TMEM181: variants seen among roughly 807,000 people sequenced by gnomAD.
TMEM181 encodes G protein-coupled receptor 178.
TMEM181 carries 39 observed loss-of-function variants against 71.9 expected under a neutral mutation model. The ratio of observed to expected loss-of-function variants is 0.54; its 90% CI spans 0.42 to 0.71. The LOEUF (loss-of-function observed/expected upper bound fraction) is 0.71. Among genes scored for constraint, TMEM181 ranks in the 30% least tolerant of loss-of-function variants. The probability of loss-of-function intolerance (pLI) is 0.00; values close to 1 mark genes in which losing one functional copy is unlikely to be tolerated. For synonymous variants in TMEM181, 245 were observed against 228.8 expected (o/e 1.07, Z -0.64); for missense variants, 595 against 583.0 (o/e 1.02, Z -0.21).
intron 3 of TMEM181, among the ~76,000 whole-genome samples, chr6:158,582,130 A>G (rs998293157): frequency 4.6e-5 from 7 of 152,194 alleles, no homozygotes; most frequent in South Asian, 2.1e-4. Flanking sequence ...GGCCCTCTGC[A>G]TAGCCTGTTT....
chr6:158,610,016 AAGCAATG>A (rs1202678018), intron 10 of TMEM181: 1 of 221,838 alleles, frequency 4.5e-6, no homozygotes, highest in Non-Finnish European at 9.6e-6. Context: ...AGCTGCAGTG[AAGCAATG>A]CTTGTGTATC....
chr6:158,567,575 G>T (rs957137725), intron 1 of TMEM181, among the ~76,000 whole-genome samples: 2 of 152,234 alleles, frequency 1.3e-5, no homozygotes, highest in Admixed American at 6.5e-5. Flanking sequence ...TGCTGGGTGG[G>T]ATTGAGGTAG....
At chr6:158,605,162 G>A (rs117716624) in intron 6 of TMEM181, 105 bp from the exon 7 acceptor site, 61,529 of 667,516 alleles carry the variant, frequency 0.092, 5,227 homozygotes, top group Non-Finnish European at 0.11. Context: ...GTGTGTGTAT[G>A]TGTATATATT....
At chr6:158,577,714 A>T (rs1783243411) in intron 2 of TMEM181, among the ~76,000 whole-genome samples, 1 of 152,204 alleles carries the variant, frequency 6.6e-6, no homozygotes, top group South Asian at 2.1e-4. Context: ...CATACAAGGG[A>T]TCCTCAGTAA....
chr6:158,607,526 T>G (rs145836953), intron 8 of TMEM181, among the ~76,000 whole-genome samples, 183 bp downstream of exon 8: 148 of 152,190 alleles, frequency 9.7e-4, no homozygotes, highest in African/African-American at 3.1e-3. Context: ...AAAATTTAGC[T>G]GGGCATGGTG....
In TMEM181 at chr6:158,633,077, A is replaced by G. The variant is rs1786748114; in HGVS notation, c.*1189A>G. The G allele has an allele frequency of 6.6e-6, 1 of 152,264 alleles. No individual in the cohort carries two copies. The highest frequency in any genetic ancestry group is 1.5e-5 in the Non-Finnish European group (1 of 68,054). The allele number at this position is 152,264 out of a possible 1,614,324, so 9.4% of individuals were successfully genotyped here. ...GAGCGAGAACCCGTGTCATAAATAAATAAAGCTACATGAAAGATTGATAGA... is the reference window on the plus strand; with the variant it reads ...GAGCGAGAACCCGTGTCATAAATAAGTAAAGCTACATGAAAGATTGATAGA... On this transcript the variant is annotated 3_prime_UTR_variant, in exon 17 of 17. Transcript: ENST00000684151.
At chr6:158,606,729 A>G (rs961090275) in intron 7 of TMEM181, among the ~76,000 whole-genome samples, 1 of 152,248 alleles carries the variant, frequency 6.6e-6, no homozygotes, top group African/African-American at 2.4e-5. Flanking sequence ...GACCTTTGTT[A>G]CAAGACTCCT....
At chr6:158,623,035 G>A (rs1204312866) in intron 10 of TMEM181, among the ~76,000 whole-genome samples, 1 of 152,182 alleles carries the variant, frequency 6.6e-6, no homozygotes, top group Non-Finnish European at 1.5e-5. Context: ...GTTTCCAGGT[G>A]TGACTTCGGA....
chr6:158,612,562 G>A (rs1285355497), intron 10 of TMEM181, among the ~76,000 whole-genome samples: 1 of 152,232 alleles, frequency 6.6e-6, no homozygotes, highest in Non-Finnish European at 1.5e-5. Context: ...ATGACCCATG[G>A]TATGCTTTTT....
intron 1 of TMEM181, among the ~76,000 whole-genome samples, chr6:158,550,286 C>T (rs1781676592): frequency 6.6e-6 from 1 of 151,634 alleles, no homozygotes; most frequent in East Asian, 2.0e-4. Context: ...CTCAGGTGAT[C>T]TGCCCGCCAT....
intron 1 of TMEM181, among the ~76,000 whole-genome samples, chr6:158,538,442 A>G (rs1582905975): frequency 1.4e-5 from 2 of 146,480 alleles, no homozygotes; most frequent in Admixed American, 1.4e-4. Flanking sequence ...GGCGTGAGCC[A>G]CCATGCCTGG....
intron 6 of TMEM181, among the ~76,000 whole-genome samples, chr6:158,599,301 A>G (rs945214818): frequency 1.3e-5 from 2 of 152,168 alleles, no homozygotes; most frequent in Non-Finnish European, 2.9e-5. Flanking sequence ...TTAATCAGGG[A>G]GGAGTGGCCC....
rs1786803150 is a variant in TMEM181, at chr6:158,633,991, A to G, written c.*2103A>G. ...TGTTATTTATCAGTAAATGTAAAAT[A>G]TTTGAGGCATTTAGCCATACACACA... On this transcript the variant is annotated 3_prime_UTR_variant, in exon 17 of 17. Transcript: ENST00000684151. The G allele has an allele frequency of 1.3e-5, 2 of 152,228 alleles. No homozygotes were observed. The highest frequency in any genetic ancestry group is 1.3e-4 in the Admixed American group (2 of 15,286). 9.4% of individuals were successfully genotyped at this position (152,228 alleles called of 1,614,324 possible).
intron 1 of TMEM181, among the ~76,000 whole-genome samples, chr6:158,549,099 T>A (rs1347814815): frequency 7.0e-6 from 1 of 142,578 alleles, no homozygotes; most frequent in Non-Finnish European, 1.5e-5. Context: ...TGAGGGAAAA[T>A]GTGCACACTT....
At chr6:158,605,824 C>T (rs1250126311) in intron 7 of TMEM181, among the ~76,000 whole-genome samples, 1 of 151,936 alleles carries the variant, frequency 6.6e-6, no homozygotes, top group Non-Finnish European at 1.5e-5. Flanking sequence ...GTCCACAAAC[C>T]CACATGACTT....
intron 13 of TMEM181, 57 bp from the exon 14 acceptor site, chr6:158,628,351 G>A (rs2128331462): frequency 1.3e-6 from 2 of 1,530,162 alleles, no homozygotes; most frequent in East Asian, 2.3e-5. Flanking sequence ...ATTCTCTGAA[G>A]CTAGTGCCGT....
At chr6:158,592,302 C>G (rs1375168861) in intron 6 of TMEM181, among the ~76,000 whole-genome samples, 2 of 152,166 alleles carry the variant, frequency 1.3e-5, no homozygotes, top group Non-Finnish European at 2.9e-5. Context: ...TTGCTTTAAA[C>G]CAAAGATTAG....
At chr6:158,618,714 C>T (rs1278642242) in intron 10 of TMEM181, among the ~76,000 whole-genome samples, 4 of 152,258 alleles carry the variant, frequency 2.6e-5, no homozygotes, top group East Asian at 3.9e-4. Context: ...TCAGCATTTG[C>T]TGTCTGTAAA....
chr6:158,557,015 T>C (rs529750062), upstream of TMEM181, among the ~76,000 whole-genome samples: 2 of 152,272 alleles, frequency 1.3e-5, no homozygotes, highest in East Asian at 3.9e-4. Context: ...GCTGGGATTA[T>C]AGGCATGAGC....
Sources: allele counts gnomAD v4.1 joint callset (sites outside exome capture counted in the v4.1 genomes callset), GRCh38; gene constraint gnomAD v4.1.1; transcripts MANE v1.5; gene names NCBI Gene and HGNC (gene_info 2026-07-23, HGNC 2026-07-21).